The following ADAMTS10 variants were observed in gnomAD, a reference collection of about 807,000 sequenced individuals.
ADAMTS10 encodes ADAM metallopeptidase with thrombospondin type 1 motif 10, also known as A disintegrin and metalloproteinase with thrombospondin motifs 10.
ADAMTS10 carries 48 observed loss-of-function variants against 135.9 expected under a neutral mutation model. That is an observed-to-expected ratio of 0.35 (90% CI 0.28 to 0.45). The LOEUF is 0.45. ADAMTS10 is among the 20% of genes least tolerant of loss of function. The pLI, the probability that ADAMTS10 is intolerant of heterozygous loss-of-function variation, is 1.00. For synonymous variants in ADAMTS10, 621 were observed against 647.5 expected (o/e 0.96, Z 0.62); for missense variants, 1,131 against 1,565.2 (o/e 0.72, Z 4.68).
chr19:8,584,527 A>G (rs2042397188), intron 25 of ADAMTS10, among the ~76,000 whole-genome samples: 1 of 152,158 alleles, frequency 6.6e-6, no homozygotes, highest in Non-Finnish European at 1.5e-5. Flanking sequence ...AATGTGCTGG[A>G]CAGCTCCCCA....
At chr19:8,582,192 G>C (rs139921165) in intron 25 of ADAMTS10, among the ~76,000 whole-genome samples, 5,901 of 152,206 alleles carry the variant, frequency 0.039, 282 homozygotes, top group African/African-American at 0.12. Flanking sequence ...AAGATAGGCC[G>C]GGCATGGTGG....
At position 8,596,944 on chromosome 19, in the gene ADAMTS10, C is replaced by T. The variant is rs781935173; in HGVS notation, c.1040+43G>A. On this transcript the variant is annotated intron_variant, in intron 8 of 25. Coordinates refer to ENST00000597188, the MANE Select transcript of ADAMTS10 (RefSeq NM_030957.4). This position sits in a 1 kb window ranked among gnomAD's most constrained non-coding sequence, Gnocchi z 7.2. ...GGACTCTCATGGTTCCCTGGACCATCTGTTTTCTCAGCCCCAGTCCTAGAC... is the reference window on the plus strand; with the variant it reads ...GGACTCTCATGGTTCCCTGGACCATTTGTTTTCTCAGCCCCAGTCCTAGAC... The T allele has an allele frequency of 6.2e-7, 1 of 1,607,478 alleles. No homozygotes were observed. The highest frequency in any genetic ancestry group is 1.1e-5 in the South Asian group (1 of 91,036).
intron 5 of ADAMTS10, among the ~76,000 whole-genome samples, chr19:8,603,291 T>C (rs1298090240): frequency 3.3e-5 from 5 of 152,188 alleles, no homozygotes; most frequent in African/African-American, 1.2e-4. Context: ...TTTTTTCTTT[T>C]TGAGACGGAG....
rs376206684 is a variant in ADAMTS10, at chr19:8,592,856, C to A, written c.1494G>T (p.Glu498Asp). The A allele has an allele frequency of 6.2e-7, 1 of 1,612,126 alleles. No individual in the cohort carries two copies. The highest frequency in any genetic ancestry group is 1.1e-5 in the South Asian group (1 of 91,004). ...RQCKYGEVCS[E>D]LWCLSKSNRC... ...GGTTGCTCTTGCTCAGACACCACAGCTCGCTGCAGACCTCCTGCGGGCCGA... is the reference window on the plus strand; with the variant it reads ...GGTTGCTCTTGCTCAGACACCACAGATCGCTGCAGACCTCCTGCGGGCCGA... Residue 498 changes from glutamate (E) to aspartate (D), a missense_variant, in exon 13 of 26, where the codon GAG becomes GAT. Glu to Asp is a conservative substitution (Grantham distance 45). Around this residue, in one of 3 missense-constraint regions of ADAMTS10, gnomAD observed 745 missense variants for 1,056.3 expected, o/e 0.71. Transcript: ENST00000597188.
chr19:8,604,266 T>C (rs2042696611), intron 4 of ADAMTS10, among the ~76,000 whole-genome samples: 1 of 151,364 alleles, frequency 6.6e-6, no homozygotes, highest in Admixed American at 6.6e-5. Flanking sequence ...TTCCACTATG[T>C]TGCCCAGGCT....
intron 25 of ADAMTS10, 141 bp downstream of exon 25, chr19:8,584,754 G>C: frequency 8.0e-7 from 1 of 1,249,978 alleles, no homozygotes; most frequent in Non-Finnish European, 1.1e-6. Flanking sequence ...GGAGGGGATG[G>C]TGAAGGATGG....
intron 12 of ADAMTS10, chr19:8,593,419 G>A (rs1555739611): frequency 6.2e-6 from 1 of 160,140 alleles, no homozygotes; most frequent in Non-Finnish European, 1.4e-5. Flanking sequence ...GTTTTTTCCA[G>A]CTGTTGGTTC....
At chr19:8,609,151 C>T (rs2042753139) in intron 1 of ADAMTS10, among the ~76,000 whole-genome samples, 1 of 145,540 alleles carries the variant, frequency 6.9e-6, no homozygotes, top group African/African-American at 2.7e-5. Flanking sequence ...TACATTACAG[C>T]ATGTATGTGA....
chr19:8,602,296 G>A (rs1253114803), intron 5 of ADAMTS10, among the ~76,000 whole-genome samples: 1 of 152,038 alleles, frequency 6.6e-6, no homozygotes, highest in African/African-American at 2.4e-5. Flanking sequence ...ATATCACACT[G>A]TTCTGCTTTT....
chr19:8,602,914 ACCATG>A (rs1283627415), intron 5 of ADAMTS10, among the ~76,000 whole-genome samples: 1 of 152,192 alleles, frequency 6.6e-6, no homozygotes, highest in Non-Finnish European at 1.5e-5. Flanking sequence ...GGTGTGAGCC[ACCATG>A]CCCGAACTGA....
chr19:8,581,716 T>C (rs2042352749), intron 25 of ADAMTS10, among the ~76,000 whole-genome samples: 1 of 151,766 alleles, frequency 6.6e-6, no homozygotes, highest in Non-Finnish European at 1.5e-5. Context: ...GTGCCTGTAA[T>C]CCCAGCTACT....
Position 8,601,234 on chromosome 19 carries a change from T to C in ADAMTS10, c.593-89A>G. ...CTGTCTTGTCCAACCTCTGACTGGC[T>C]ACCTCTCTACCCAACAGTCTGGACA... On this transcript the variant is annotated intron_variant, in intron 5 of 25. Transcript: ENST00000597188. The surrounding 1 kb of genome is among the most constrained non-coding windows in gnomAD (Gnocchi z 4.6). The C allele has an allele frequency of 1.5e-6, 2 of 1,374,858 alleles. No individual in the cohort carries two copies. Among genetic ancestry groups the C allele is most frequent in the Non-Finnish European group, 2.0e-6 (2 of 994,886 alleles). 85.2% of individuals were successfully genotyped at this position (1,374,858 alleles called of 1,614,324 possible).
At chr19:8,587,655 G>C (rs1001788138) in intron 18 of ADAMTS10, among the ~76,000 whole-genome samples, 3 of 151,870 alleles carry the variant, frequency 2.0e-5, no homozygotes, top group Non-Finnish European at 2.9e-5. Flanking sequence ...TTTTGTAGCC[G>C]GGCACAGTGG....
chr19:8,603,902 G>T lies in ADAMTS10; in HGVS notation c.436-18C>A, dbSNP rs782793580. The T allele has an allele frequency of 6.3e-7, 1 of 1,593,230 alleles. No homozygotes were observed. The highest frequency in any genetic ancestry group is 8.6e-7 in the Non-Finnish European group (1 of 1,166,008). On this transcript the variant is annotated intron_variant, in intron 4 of 25. Coordinates refer to ENST00000597188, the MANE Select transcript of ADAMTS10 (RefSeq NM_030957.4). ...AGGCCGTGCTGGGTTTTGAGAAGTG[G>T]GATAGAAAGCTCTCAGGATCAGGTT...
chr19:8,584,573 G>A (rs576486426), intron 25 of ADAMTS10, among the ~76,000 whole-genome samples: 8 of 152,212 alleles, frequency 5.3e-5, no homozygotes, highest in Non-Finnish European at 7.3e-5. Context: ...ACTAGTGCCT[G>A]AGGTTGAAAA....
rs76012409 is a variant in ADAMTS10 at position 8,603,218 on chromosome 19, C to T, written c.592+510G>A. 2.6e-5 allele frequency among the ~76,000 whole-genome samples: 4 copies of T among 152,300 alleles called. No individual in the cohort carries two copies. In the East Asian group the frequency reaches 5.8e-4, roughly 22 times the overall value. ...GACTATAGCAGGGATAAGATTATTC[C>T]ATAGCTCCACTGGTTCGCCGTCTGA... On this transcript the variant is annotated intron_variant, in intron 5 of 25. Coordinates refer to ENST00000597188, the MANE Select transcript of ADAMTS10 (RefSeq NM_030957.4).
chr19:8,599,281 T>A (rs1600113938), intron 6 of ADAMTS10, among the ~76,000 whole-genome samples: 1 of 152,194 alleles, frequency 6.6e-6, no homozygotes, highest in East Asian at 1.9e-4. Context: ...GATGTGTGCC[T>A]GTGTGTGTAC....
In ADAMTS10 at chr19:8,585,074, A is replaced by T; in HGVS notation, c.3043-20T>A. 1.3e-6 allele frequency: 2 copies of T among 1,510,550 alleles called. No individual in the cohort carries two copies. Among genetic ancestry groups the T allele is most frequent in the Non-Finnish European group, 1.8e-6 (2 of 1,132,014 alleles). The allele number at this position is 1,510,550 out of a possible 1,614,324, so 93.6% of individuals were successfully genotyped here. On this transcript the variant is annotated intron_variant, in intron 24 of 25. Coordinates refer to ENST00000597188, the MANE Select transcript of ADAMTS10 (RefSeq NM_030957.4). ...AGAGCACTGCGAGGGGGCACCACTC[A>T]GTTGCTGCCCCGCAGCCCCTGCCCT...
rs369050914 is a variant in ADAMTS10, at chr19:8,581,130, C to CTTTTTTTTTTTTTTTT, written c.3203-144_3203-129dup. On this transcript the variant is annotated intron_variant, in intron 25 of 25. Coordinates refer to ENST00000597188, the MANE Select transcript of ADAMTS10 (RefSeq NM_030957.4). ...CTTGGTTTCTTTCTTTTTAAATTTA[C>CTTTTTTTTTTTTTTTT]TTTTTTTTTTTTTTTTTTTTTTTTT... is the stretch of plus-strand genomic sequence containing the variant. 9.4e-4 allele frequency: 139 copies of CTTTTTTTTTTTTTTTT among 147,266 alleles called. 7 individuals are homozygous for CTTTTTTTTTTTTTTTT. Among genetic ancestry groups the CTTTTTTTTTTTTTTTT allele is most frequent in the Non-Finnish European group, 1.3e-3 (116 of 88,032 alleles). The allele number at this position is 147,266 out of a possible 1,614,324, so 9.1% of individuals were successfully genotyped here.
Sources: gnomAD v4.1 joint callset for allele counts (sites outside exome capture counted in the v4.1 genomes callset) on GRCh38, gnomAD v4.1.1 for gene constraint, gnomAD v4.1.1 regional missense constraint, Gnocchi (gnomAD v3.1) non-coding constraint, MANE v1.5 for transcripts, NCBI Gene and HGNC (gene_info 2026-07-23, HGNC 2026-07-21) for gene names.